The following PCDH15 variants were observed in gnomAD, a reference collection of about 807,000 sequenced individuals.
The protein encoded by PCDH15 is protocadherin-15.
A neutral mutation model predicts 178.5 loss-of-function variants in PCDH15; 129 were observed. The ratio of observed to expected loss-of-function variants is 0.72; its 90% confidence interval spans 0.63 to 0.84. The LOEUF is 0.84. PCDH15 is among the 40% of genes least tolerant of loss of function. The pLI is 0.00. For missense variants in PCDH15, 2,230 were observed against 2,099.9 expected (o/e 1.06, Z -1.21); for synonymous variants, 800 against 732.0 (o/e 1.09, Z -1.50).
intron 2 of PCDH15, among the ~76,000 whole-genome samples, chr10:54,907,528 T>C (rs902090564): frequency 2.0e-5 from 3 of 152,172 alleles, no homozygotes; most frequent in Admixed American, 1.3e-4. Context: ...CACTGTATGC[T>C]CTCTTGGTCT....
At chr10:54,935,369 A>G (rs1670817) in intron 2 of PCDH15, among the ~76,000 whole-genome samples, 20,413 of 152,144 alleles carry the variant, frequency 0.13, 1,560 homozygotes, top group East Asian at 0.23. Flanking sequence ...GGGATAATAC[A>G]TCAACTGAAT....
At chr10:54,728,681 C>A (rs1942925224) in intron 1 of PCDH15, among the ~76,000 whole-genome samples, 1 of 151,286 alleles carries the variant, frequency 6.6e-6, no homozygotes, top group East Asian at 1.9e-4. Context: ...CCTAGAAAAC[C>A]CCATAGTCCC....
intron 2 of PCDH15, among the ~76,000 whole-genome samples, chr10:55,166,369 A>T (rs16907073): frequency 0.13 from 20,163 of 152,176 alleles, 1,443 homozygotes; most frequent in East Asian, 0.25. Flanking sequence ...AGGGAAAGAC[A>T]TTTATTTACT....
At chr10:53,901,653 C>G (rs1292603964) in intron 26 of PCDH15, among the ~76,000 whole-genome samples, 1 of 152,146 alleles carries the variant, frequency 6.6e-6, no homozygotes, top group Admixed American at 6.6e-5. Flanking sequence ...ATCCCATATT[C>G]TAGCCCCAGG....
chr10:54,618,864 T>C (rs911870067), intron 2 of PCDH15, among the ~76,000 whole-genome samples: 3 of 151,970 alleles, frequency 2.0e-5, no homozygotes, highest in Non-Finnish European at 2.9e-5. Context: ...TAGCTATATA[T>C]AGAGACAACG....
intron 2 of PCDH15, among the ~76,000 whole-genome samples, chr10:55,391,208 T>C (rs948985787): frequency 6.6e-6 from 1 of 152,098 alleles, no homozygotes; most frequent in African/African-American, 2.4e-5. Context: ...CATCAGGACT[T>C]GTGACTTCAC....
chr10:53,808,961 C>T, intron 37 of PCDH15: 1 of 1,558,602 alleles, frequency 6.4e-7, no homozygotes, highest in Non-Finnish European at 8.7e-7. Flanking sequence ...TCTTCTTCTT[C>T]TGAGTGTTCT....
chr10:54,849,267 C>T (rs1953569091), intron 3 of PCDH15, among the ~76,000 whole-genome samples: 1 of 152,160 alleles, frequency 6.6e-6, no homozygotes, highest in Non-Finnish European at 1.5e-5. Flanking sequence ...CAAAACCTTT[C>T]TGTGTCTTCT....
chr10:54,678,163 T>TAC (rs1216725470), intron 1 of PCDH15, among the ~76,000 whole-genome samples: 2 of 152,270 alleles, frequency 1.3e-5, no homozygotes, highest in South Asian at 2.1e-4. Flanking sequence ...TATATGTATA[T>TAC]ACACACACAC....
chr10:53,927,781 C>T lies in PCDH15; in HGVS notation c.3373+11034G>A, dbSNP rs151048540. ...ACATTTTTATCTTCTCTGCTATCAT[C>T]CACACAGCACCTGTGATAAAATCTG... On this transcript the variant is annotated intron_variant, in intron 25 of 37. Coordinates refer to ENST00000644397, the MANE Select transcript of PCDH15 (RefSeq NM_001384140.1). Among the ~76,000 whole-genome samples, 18 of 152,216 alleles carry T rather than the reference C, an allele frequency of 1.2e-4. No individual in the cohort carries two copies. The East Asian group carries it at 2.9e-3, about 24-fold the overall frequency.
At chr10:54,164,567 A>C (rs536579252) in intron 13 of PCDH15, among the ~76,000 whole-genome samples, 20 of 152,212 alleles carry the variant, frequency 1.3e-4, no homozygotes, top group Non-Finnish European at 2.6e-4. Flanking sequence ...TTGTCTTTCA[A>C]ATGTTAAAGA....
intron 9 of PCDH15, among the ~76,000 whole-genome samples, chr10:54,221,734 C>T (rs2052839707): frequency 6.6e-6 from 1 of 152,052 alleles, no homozygotes; most frequent in African/African-American, 2.4e-5. Context: ...CCCAGAGTAG[C>T]TGGGATTACA....
At chr10:54,689,404 TCCAAA>T (rs906041232) in intron 1 of PCDH15, among the ~76,000 whole-genome samples, 4 of 152,146 alleles carry the variant, frequency 2.6e-5, no homozygotes, top group Non-Finnish European at 5.9e-5. Flanking sequence ...ACTGTTGATC[TCCAAA>T]CCAGTCAATT....
At chr10:54,906,258 C>T (rs1249299392) in intron 2 of PCDH15, among the ~76,000 whole-genome samples, 2 of 152,020 alleles carry the variant, frequency 1.3e-5, no homozygotes, top group Non-Finnish European at 2.9e-5. Context: ...CAGTGGAGGA[C>T]CCAGATGACT....
At chr10:55,070,245 G>A (rs1030145636) in intron 2 of PCDH15, among the ~76,000 whole-genome samples, 3 of 152,106 alleles carry the variant, frequency 2.0e-5, no homozygotes, top group Admixed American at 6.6e-5. Flanking sequence ...TCACTCTGAT[G>A]GTAGTTTCTT....
intron 2 of PCDH15, among the ~76,000 whole-genome samples, chr10:55,477,747 C>T (rs1424581478): frequency 6.6e-6 from 1 of 151,836 alleles, no homozygotes; most frequent in Non-Finnish European, 1.5e-5. Context: ...AGTCAGGTGC[C>T]TAGCACCATG....
chr10:53,806,384 A>G lies in PCDH15; in HGVS notation c.*195T>C. 1.9e-6 allele frequency: 1 copy of G among 539,484 alleles called. No individual in the cohort carries two copies. Among genetic ancestry groups the G allele is most frequent in the Non-Finnish European group, 3.2e-6 (1 of 312,586 alleles). 33.4% of individuals were successfully genotyped at this position (539,484 alleles called of 1,614,324 possible). ...ATTTAGTGAAAGTATGTCCAAAAGG[A>G]TTTTCTGGGAAAAACGATTAATTGA... On this transcript the variant is annotated 3_prime_UTR_variant, in exon 38 of 38. Coordinates refer to ENST00000644397, the MANE Select transcript of PCDH15 (RefSeq NM_001384140.1).
intron 1 of PCDH15, among the ~76,000 whole-genome samples, chr10:55,275,035 T>A (rs1049947672): frequency 1.3e-5 from 2 of 152,070 alleles, no homozygotes; most frequent in African/African-American, 4.8e-5. Context: ...TGTTTTCTCT[T>A]TTTTTCTTAC....
intron 2 of PCDH15, among the ~76,000 whole-genome samples, chr10:54,553,507 A>C (rs2133220126): frequency 6.6e-6 from 1 of 152,290 alleles, no homozygotes; most frequent in East Asian, 1.9e-4. Context: ...TTGCTAAATT[A>C]CTCAATTGTG....
Sources: allele counts gnomAD v4.1 joint callset (sites outside exome capture counted in the v4.1 genomes callset), GRCh38; gene constraint gnomAD v4.1.1; transcripts MANE v1.5; gene names NCBI Gene and HGNC (gene_info 2026-07-23, HGNC 2026-07-21).